The following GALNS variants were observed in gnomAD, a reference collection of about 807,000 sequenced individuals.
The protein encoded by GALNS is N-acetylgalactosamine-6-sulfatase.
In GALNS, 65 loss-of-function variants were observed where a neutral mutation model predicts 65.9. That is an observed-to-expected ratio of 0.99 (90% CI 0.81 to 1.21). The LOEUF is 1.21. Among genes scored for constraint, GALNS ranks in the 50% most tolerant of loss-of-function variants. GALNS has a pLI of 0.00. For missense variants in GALNS, 776 were observed against 700.7 expected (o/e 1.11, Z -1.21); for synonymous variants, 346 against 288.9 (o/e 1.20, Z -2.00).
intron 1 of GALNS, among the ~76,000 whole-genome samples, chr16:88,853,556 C>A (rs1302129248): frequency 1.3e-5 from 2 of 152,160 alleles, no homozygotes. Context: ...AGGGCTGACC[C>A]TCCTTAACCC....
intron 8 of GALNS, among the ~76,000 whole-genome samples, chr16:88,832,848 C>T (rs1911650362): frequency 6.6e-6 from 1 of 152,058 alleles, no homozygotes; most frequent in Non-Finnish European, 1.5e-5. Context: ...ACTGCTTGAA[C>T]TCGGGAGTTC....
chr16:88,826,857 A>G lies in GALNS; in HGVS notation c.1003-19T>C, dbSNP rs368105385. 25 of 1,562,796 alleles carry G rather than the reference A, an allele frequency of 1.6e-5. No individual in the cohort carries two copies. The African/African-American group carries it at 2.6e-4, about 16-fold the overall frequency. On this transcript the variant is annotated intron_variant, in intron 9 of 13. Transcript: ENST00000268695. ...GGCTCACCTGAAACACATGGCAGCA[A>G]CACGGTCAGGGCACTCTGCACCGAC...
intron 2 of GALNS, 119 bp downstream of exon 2, chr16:88,842,587 T>C (rs1006368756): frequency 1.6e-6 from 2 of 1,281,206 alleles, no homozygotes. Flanking sequence ...CCACCCTCCC[T>C]GCAGTAGTAG....
At chr16:88,837,876 C>T (rs1032918146) in intron 4 of GALNS, 111 bp from the exon 5 acceptor site, 7 of 1,139,304 alleles carry the variant, frequency 6.1e-6, no homozygotes, top group African/African-American at 1.5e-5. Flanking sequence ...GAGCACCCTC[C>T]AGCACTGAGT....
At chr16:88,825,069 C>CTGGGTGGCCAGGGCTGGAGCTCT (rs1910677897) in intron 10 of GALNS, among the ~76,000 whole-genome samples, 200 bp from the exon 11 acceptor site, 1 of 147,164 alleles carries the variant, frequency 6.8e-6, no homozygotes, top group African/African-American at 2.5e-5. Context: ...GCTGGAGCTC[C>CTGGGTGGCCAGGGCTGGAGCTCT]TGGGTGGCCA....
chr16:88,826,878 C>G, intron 9 of GALNS, 40 bp from the exon 10 acceptor site: 1 of 1,553,276 alleles, frequency 6.4e-7, no homozygotes, highest in South Asian at 1.2e-5. Context: ...GCACTCTGCA[C>G]CGACCCGATG....
intron 1 of GALNS, 121 bp downstream of exon 1, chr16:88,856,637 G>A: frequency 5.9e-6 from 2 of 338,574 alleles, no homozygotes; most frequent in Non-Finnish European, 1.1e-5. Context: ...CTTCCCCAAG[G>A]GGCCTCCCCT....
intron 9 of GALNS, among the ~76,000 whole-genome samples, chr16:88,829,252 CAAG>C (rs200639200): frequency 0.052 from 7,860 of 152,254 alleles, 253 homozygotes; most frequent in Middle Eastern, 0.16. Flanking sequence ...TGCCCCCACA[CAAG>C]AAACCAAATG....
chr16:88,837,556 CG>C, intron 5 of GALNS, 65 bp downstream of exon 5: 5 of 1,525,788 alleles, frequency 3.3e-6, no homozygotes, highest in Non-Finnish European at 3.6e-6. Context: ...GTGCTAGAGG[CG>C]GGGGGCAGGC....
intron 8 of GALNS, among the ~76,000 whole-genome samples, chr16:88,833,889 T>C (rs942334259): frequency 1.3e-5 from 2 of 152,256 alleles, no homozygotes; most frequent in East Asian, 3.8e-4. Flanking sequence ...GTATGAAACA[T>C]TCCATCATTT....
intron 11 of GALNS, among the ~76,000 whole-genome samples, chr16:88,823,917 C>T (rs915105901): frequency 1.3e-5 from 2 of 152,200 alleles, no homozygotes; most frequent in Non-Finnish European, 2.9e-5. Context: ...GGGTAAAACC[C>T]GAAAGAAGAG....
intron 13 of GALNS, chr16:88,817,025 T>C: frequency 3.0e-6 from 3 of 985,204 alleles, no homozygotes; most frequent in Non-Finnish European, 3.6e-6. Flanking sequence ...GTGTGGCTCG[T>C]TTTTGCCGAC....
At position 88,814,274 on chromosome 16, in the gene GALNS, G is replaced by A; in HGVS notation, c.*165C>T. 2.1e-6 allele frequency: 2 copies of A among 936,798 alleles called. No individual in the cohort carries two copies. The allele number at this position is 936,798 out of a possible 1,614,324, so 58.0% of individuals were successfully genotyped here. On this transcript the variant is annotated 3_prime_UTR_variant, in exon 14 of 14. Coordinates refer to ENST00000268695, the MANE Select transcript of GALNS (RefSeq NM_000512.5). ...AGGAGGAGGGCCAAGCACACGCCAG[G>A]GTCAGGTCCTGGGCAGGTGGAATTG...
intron 8 of GALNS, among the ~76,000 whole-genome samples, chr16:88,832,964 G>C (rs1204366831): frequency 6.6e-6 from 1 of 150,844 alleles, no homozygotes; most frequent in Non-Finnish European, 1.5e-5. Flanking sequence ...TGTAGTCCCA[G>C]CTACTCAGGA....
chr16:88,823,844 G>A (rs1013128431), intron 11 of GALNS, among the ~76,000 whole-genome samples: 16 of 149,030 alleles, frequency 1.1e-4, no homozygotes, highest in Non-Finnish European at 1.8e-4. Context: ...TGCCCAGGAC[G>A]GCCCTCACAG....
At chr16:88,814,904 TG>T (rs1909471123) in intron 13 of GALNS, 1 of 428,180 alleles carries the variant, frequency 2.3e-6, no homozygotes, top group Admixed American at 6.4e-5. Flanking sequence ...CAACCATTTT[TG>T]TATTTTTGGT....
At chr16:88,828,968 C>T (rs951795641) in intron 9 of GALNS, among the ~76,000 whole-genome samples, 1 of 151,838 alleles carries the variant, frequency 6.6e-6, no homozygotes, top group Non-Finnish European at 1.5e-5. Flanking sequence ...ATGCCATCGT[C>T]TCCCAGACCT....
At chr16:88,855,393 G>C (rs990295697) in intron 1 of GALNS, 21 of 702,710 alleles carry the variant, frequency 3.0e-5, no homozygotes, top group South Asian at 2.4e-4. Flanking sequence ...AACTTCAAAA[G>C]TGAAAGGATG....
At chr16:88,829,538 C>A (rs561184289) in intron 9 of GALNS, among the ~76,000 whole-genome samples, 13 of 152,244 alleles carry the variant, frequency 8.5e-5, no homozygotes, top group African/African-American at 2.9e-4. Flanking sequence ...CTGCCCTGGG[C>A]AGGGTCTGAG....
Sources: gnomAD v4.1 joint callset for allele counts (sites outside exome capture counted in the v4.1 genomes callset) on GRCh38, gnomAD v4.1.1 for gene constraint, MANE v1.5 for transcripts, NCBI Gene and HGNC (gene_info 2026-07-23, HGNC 2026-07-21) for gene names.